The following DST variants were observed in gnomAD, a reference collection of about 807,000 sequenced individuals.
DST encodes the protein dystonin, also known as bullous pemphigoid antigen.
DST carries 253 observed loss-of-function variants against 875.2 expected under a neutral mutation model. That is an observed-to-expected ratio of 0.29 (90% CI 0.26 to 0.32). The LOEUF is 0.32. Among genes scored for constraint, DST ranks in the 10% least tolerant of loss-of-function variants. DST has a pLI of 1.00. For missense variants in DST, 8,287 were observed against 9,111.6 expected, an observed-to-expected ratio of 0.91 and a Z score of 3.68; for synonymous variants, 3,124 against 3,197.1, an observed-to-expected ratio of 0.98 and a Z score of 0.77.
chr6:56,665,987 C>T (rs1046045708), intron 10 of DST, among the ~76,000 whole-genome samples: 1 of 152,184 alleles, frequency 6.6e-6, no homozygotes, highest in Non-Finnish European at 1.5e-5. Context: ...TACTTTGTGA[C>T]TGTTACTTAC....
chr6:56,593,809 T>G lies in DST; in HGVS notation c.12580A>C (p.Ile4194Leu). The change falls in exon 48 of 104, where the codon ATC (isoleucine) becomes CTC (leucine). Residue 4194 changes from isoleucine to leucine, a missense_variant. By Grantham distance (5) the Ile-to-Leu change is conservative. This residue lies in a region of DST where 1,513 missense variants were observed against 1,677.8 expected (regional missense o/e 0.90). Coordinates refer to ENST00000680361, the MANE Select transcript of DST (RefSeq NM_001374736.1). ...VISHKGDLRY[I>L]TISGNRVLEA... Reference sequence around the variant, plus strand: ...AACACTCTGTTTCCAGAAATTGTGATGTATCTCAAGTCACCTTTGTGAGAA... The same window carrying G: ...AACACTCTGTTTCCAGAAATTGTGAGGTATCTCAAGTCACCTTTGTGAGAA... 1 of 1,613,986 alleles carries G rather than the reference T, an allele frequency of 6.2e-7. No individual in the cohort carries two copies. The highest frequency in any genetic ancestry group is 8.5e-7 in the Non-Finnish European group (1 of 1,179,882).
intron 4 of DST, among the ~76,000 whole-genome samples, chr6:56,836,832 CAGAG>C (rs1247970580): frequency 8.1e-6 from 1 of 123,140 alleles, no homozygotes; most frequent in Non-Finnish European, 1.6e-5. Context: ...GCCTGGGCCA[CAGAG>C]AGAGACTCCA....
intron 100 of DST, chr6:56,464,189 A>G: frequency 3.3e-6 from 1 of 306,102 alleles, no homozygotes; most frequent in East Asian, 8.3e-5. Context: ...ATTGAGGTAA[A>G]GAGAATGCCA....
chr6:56,822,067 A>C (rs1159963843), intron 4 of DST, among the ~76,000 whole-genome samples: 1 of 152,238 alleles, frequency 6.6e-6, no homozygotes, highest in African/African-American at 2.4e-5. Flanking sequence ...AATTCTAAAG[A>C]AAATTCATGC....
At position 56,497,937 on chromosome 6, in the gene DST, T is replaced by C; in HGVS notation, c.20013A>G (p.Leu6671=). Residue 6671 remains leucine (L), a synonymous_variant, in exon 81 of 104, where the codon CTA becomes CTG. Transcript: ENST00000680361. The part of the protein sequence containing the change: ...GEEASNLQNK[L]EVLNQRWQNV... Reference sequence around the variant, plus strand: ...TTTGCCAGCGTTGATTTAAAACCTCTAGCTTGTTCTGAAGGTTGCTTGCTT... The same window carrying C: ...TTTGCCAGCGTTGATTTAAAACCTCCAGCTTGTTCTGAAGGTTGCTTGCTT... The C allele has an allele frequency of 6.2e-7, 1 of 1,613,496 alleles. No individual in the cohort carries two copies. The highest frequency in any genetic ancestry group is 8.5e-7 in the Non-Finnish European group (1 of 1,179,590).
intron 55 of DST, among the ~76,000 whole-genome samples, chr6:56,563,371 T>G (rs1458009109): frequency 1.3e-5 from 2 of 152,200 alleles, no homozygotes; most frequent in African/African-American, 4.8e-5. Flanking sequence ...GTCTGTTGGC[T>G]GCATAAATGT....
chr6:56,802,375 G>A (rs1017661966), intron 4 of DST, among the ~76,000 whole-genome samples: 4 of 151,918 alleles, frequency 2.6e-5, no homozygotes, highest in Admixed American at 1.3e-4. Context: ...ATTTGGTAAC[G>A]GGAAACTCAG....
Position 56,624,529 on chromosome 6 carries a change from C to T in DST, c.4929+1G>A. On this transcript the variant is annotated splice_donor_variant, in intron 36 of 103. Coordinates refer to ENST00000680361, the MANE Select transcript of DST (RefSeq NM_001374736.1). LOFTEE classifies it high-confidence loss of function. The stretch of plus-strand genomic sequence containing the variant: ...ACAGGGTGCTCACTGTTAATGATTA[C>T]CTCCTCCTCTTCCAGCCTCTTCAAT... 1 of 1,600,388 alleles carries T rather than the reference C, an allele frequency of 6.2e-7. No homozygotes were observed. The highest frequency in any genetic ancestry group is 8.6e-7 in the Non-Finnish European group (1 of 1,168,248).
At chr6:56,472,751 G>A (rs9370534) in intron 93 of DST, among the ~76,000 whole-genome samples, 40,458 of 152,010 alleles carry the variant, frequency 0.27, 5,576 homozygotes, top group Middle Eastern at 0.43. Flanking sequence ...CCCAGCCTTC[G>A]CCCACATCCA....
intron 3 of DST, among the ~76,000 whole-genome samples, chr6:56,874,340 T>TA (rs887366276): frequency 5.3e-5 from 8 of 152,036 alleles, no homozygotes; most frequent in South Asian, 2.1e-4. Flanking sequence ...TCCCATCTCT[T>TA]AAAAAAAATC....
intron 82 of DST, among the ~76,000 whole-genome samples, chr6:56,497,028 G>A (rs989080343): frequency 6.6e-6 from 1 of 152,004 alleles, no homozygotes; most frequent in African/African-American, 2.4e-5. Flanking sequence ...GTCAGGGGAG[G>A]GGGGACAGAT....
intron 65 of DST, 70 bp from the exon 66 acceptor site, chr6:56,529,844 A>G (rs548722791): frequency 4.1e-6 from 6 of 1,454,958 alleles, no homozygotes; most frequent in Middle Eastern, 1.8e-4. Flanking sequence ...AAACATAAAT[A>G]AAACTAAAGC....
At position 56,691,423 on chromosome 6, in the gene DST, G is replaced by A. The variant is rs116574544; in HGVS notation, c.1047+8230C>T. ...AGAAACCAAGGTCAGTGATGATGGC[G>A]CACACTAACCCTCATAAAACCTCAT... On this transcript the variant is annotated intron_variant, in intron 9 of 103. Coordinates refer to ENST00000680361, the MANE Select transcript of DST (RefSeq NM_001374736.1). Among the ~76,000 whole-genome samples the A allele has an allele frequency of 6.4e-3, 971 of 152,214 alleles. 11 individuals are homozygous for A. Among genetic ancestry groups the A allele is most frequent in the African/African-American group, 0.022 (910 of 41,542 alleles).
At chr6:56,721,500 TG>T (rs200560684) in intron 5 of DST, among the ~76,000 whole-genome samples, 2,013 of 152,334 alleles carry the variant, frequency 0.013, 40 homozygotes, top group African/African-American at 0.046. Flanking sequence ...AGTATTAATT[TG>T]GGGAACTAAT....
Position 56,604,281 on chromosome 6 carries a change from C to A in DST, c.10347G>T (p.Leu3449Phe). The A allele has an allele frequency of 6.2e-7, 1 of 1,611,980 alleles. No homozygotes were observed. Residue 3449 changes from leucine (L) to phenylalanine (F), a missense_variant, in exon 40 of 104, where the codon TTG becomes TTT. Leu to Phe is a conservative substitution (Grantham distance 22). This residue lies in a region of DST where 3,138 missense variants were observed against 3,116.6 expected (regional missense o/e 1.01). Coordinates refer to ENST00000680361, the MANE Select transcript of DST (RefSeq NM_001374736.1). ...TTTTTTGGCTATGTTGATCTTGCTTCAATATATTAAGGAGAAGCTCAGACT... is the reference window on the plus strand; with the variant it reads ...TTTTTTGGCTATGTTGATCTTGCTTAAATATATTAAGGAGAAGCTCAGACT... The part of the protein sequence containing the change: ...NLKSELLLNI[L>F]KQDQHSQKIT...
At position 56,903,363 on chromosome 6, in the gene DST, G is replaced by A. The variant is rs148222828; in HGVS notation, c.217-2742C>T. The stretch of plus-strand genomic sequence containing the variant: ...TAAAACATGCTGTCACAGCCATTCT[G>A]CAAAACAATAACTCAGTGAATTCAC... On this transcript the variant is annotated intron_variant, in intron 2 of 103. Transcript: ENST00000680361. Among the ~76,000 whole-genome samples, 388 of 152,300 alleles carry A rather than the reference G, an allele frequency of 2.5e-3. 3 individuals carry two copies. In the East Asian group the frequency reaches 0.039, roughly 15 times the overall value.
At chr6:56,596,830 G>C (rs2098393849) in intron 47 of DST, among the ~76,000 whole-genome samples, 1 of 152,226 alleles carries the variant, frequency 6.6e-6, no homozygotes, top group South Asian at 2.1e-4. Flanking sequence ...TGCTCTTATA[G>C]TAGCATTAAT....
chr6:56,785,047 C>T (rs546781107), intron 4 of DST, among the ~76,000 whole-genome samples: 2 of 152,272 alleles, frequency 1.3e-5, no homozygotes, highest in South Asian at 4.2e-4. Flanking sequence ...CGCGGATTTT[C>T]GTGATCCGCG....
chr6:56,730,469 C>T (rs1012260226), intron 5 of DST, among the ~76,000 whole-genome samples: 5 of 151,942 alleles, frequency 3.3e-5, no homozygotes, highest in African/African-American at 7.3e-5. Flanking sequence ...GCAAATTGCA[C>T]ATGATGAGTA....
Sources: gnomAD v4.1 joint callset for allele counts (sites outside exome capture counted in the v4.1 genomes callset) on GRCh38, gnomAD v4.1.1 for gene constraint, gnomAD v4.1.1 regional missense constraint, MANE v1.5 for transcripts, NCBI Gene and HGNC (gene_info 2026-07-23, HGNC 2026-07-21) for gene names.